The following SPOCK3 variants were observed in gnomAD, a reference collection of about 807,000 sequenced individuals.
SPOCK3 encodes SPARC (osteonectin), cwcv and kazal like domains proteoglycan 3.
Under a neutral mutation model 56.6 loss-of-function variants are expected in SPOCK3, and 30 were observed. The ratio of observed to expected loss-of-function variants is 0.53; its 90% CI spans 0.40 to 0.72. The LOEUF (loss-of-function observed/expected upper bound fraction) is 0.72, where lower values mean the gene tolerates loss of function less well. Among genes scored for constraint, SPOCK3 ranks in the 30% least tolerant of loss-of-function variants. SPOCK3 has a pLI of 0.00. For missense variants in SPOCK3, 527 were observed against 530.0 expected (o/e 0.99, Z 0.06); for synonymous variants, 196 against 183.3 (o/e 1.07, Z -0.56).
At chr4:167,008,678 G>C (rs1377401851) in intron 3 of SPOCK3, among the ~76,000 whole-genome samples, 1 of 152,114 alleles carries the variant, frequency 6.6e-6, no homozygotes, top group Non-Finnish European at 1.5e-5. Flanking sequence ...ATGAAATCAT[G>C]TCCTTTGCCG....
chr4:166,989,032 A>G (rs1402781680), intron 4 of SPOCK3, among the ~76,000 whole-genome samples: 1 of 152,092 alleles, frequency 6.6e-6, no homozygotes, highest in Non-Finnish European at 1.5e-5. Flanking sequence ...CATATCAGTC[A>G]ACCGAATGCT....
At chr4:167,030,255 C>T (rs1752143716) in intron 3 of SPOCK3, among the ~76,000 whole-genome samples, 1 of 151,994 alleles carries the variant, frequency 6.6e-6, no homozygotes. Context: ...TACACTGAAT[C>T]TCATTTCATT....
Position 166,817,947 on chromosome 4 carries a change from A to T in SPOCK3, c.590-25658T>A, listed in dbSNP as rs183534925. On this transcript the variant is annotated intron_variant, in intron 6 of 10. Transcript: ENST00000357545. ...TGTTCTTAACTCTTTAAAATTACCAACTTTTAAAAATAATATCAGTAACCG... is the reference window on the plus strand; with the variant it reads ...TGTTCTTAACTCTTTAAAATTACCATCTTTTAAAAATAATATCAGTAACCG... Among the ~76,000 whole-genome samples, 3 of 152,148 alleles carry T rather than the reference A, an allele frequency of 2.0e-5. No individual in the cohort carries two copies. In the South Asian group the frequency reaches 6.2e-4, roughly 31 times the overall value.
At chr4:167,082,857 G>T (rs547566352) in intron 2 of SPOCK3, among the ~76,000 whole-genome samples, 10 of 150,586 alleles carry the variant, frequency 6.6e-5, no homozygotes, top group Non-Finnish European at 1.3e-4. Flanking sequence ...AGAGGGAGGG[G>T]TGAGAGAGTA....
intron 2 of SPOCK3, among the ~76,000 whole-genome samples, chr4:167,231,075 T>C (rs1737129251): frequency 6.6e-6 from 1 of 152,116 alleles, no homozygotes; most frequent in Non-Finnish European, 1.5e-5. Context: ...CGTAACTCTA[T>C]CCATGCTCTT....
intron 3 of SPOCK3, among the ~76,000 whole-genome samples, chr4:167,057,310 T>G (rs1424842543): frequency 1.3e-5 from 2 of 152,048 alleles, no homozygotes; most frequent in Non-Finnish European, 2.9e-5. Context: ...AAGGAACAAC[T>G]GGTACCAGCC....
At chr4:166,935,045 G>A (rs1740244279) in intron 4 of SPOCK3, among the ~76,000 whole-genome samples, 1 of 152,192 alleles carries the variant, frequency 6.6e-6, no homozygotes. Context: ...CAAGTGGGCA[G>A]CATAACCTCA....
At chr4:167,005,324 C>A (rs544809503) in intron 3 of SPOCK3, among the ~76,000 whole-genome samples, 1 of 152,118 alleles carries the variant, frequency 6.6e-6, no homozygotes, top group Non-Finnish European at 1.5e-5. Flanking sequence ...ATTCTCCTGC[C>A]TCAGCCTTCC....
At chr4:166,835,787 A>T (rs926957459) in intron 6 of SPOCK3, among the ~76,000 whole-genome samples, 6 of 152,094 alleles carry the variant, frequency 3.9e-5, no homozygotes, top group Admixed American at 1.3e-4. Flanking sequence ...ATCACCTGAG[A>T]TCGGGAGTTC....
intron 2 of SPOCK3, among the ~76,000 whole-genome samples, chr4:167,088,209 T>C (rs369898293): frequency 6.6e-6 from 1 of 152,140 alleles, no homozygotes; most frequent in South Asian, 2.1e-4. Context: ...AAATTTGTTA[T>C]AACATAAACT....
intron 5 of SPOCK3, among the ~76,000 whole-genome samples, chr4:166,894,277 G>GA (rs1170516288): frequency 6.6e-6 from 1 of 151,712 alleles, no homozygotes; most frequent in Non-Finnish European, 1.5e-5. Context: ...CCACCACAGG[G>GA]AAAAAAAATC....
chr4:166,816,479 C>T (rs1403477887), intron 6 of SPOCK3, among the ~76,000 whole-genome samples: 2 of 151,978 alleles, frequency 1.3e-5, no homozygotes, highest in African/African-American at 4.8e-5. Context: ...CATCAAGTAG[C>T]ATTTTTATAA....
intron 4 of SPOCK3, among the ~76,000 whole-genome samples, chr4:166,928,719 C>T (rs1739392376): frequency 6.6e-6 from 1 of 152,048 alleles, no homozygotes; most frequent in Non-Finnish European, 1.5e-5. Flanking sequence ...GCCTGTAATC[C>T]CAGCACTTTG....
chr4:167,109,398 TTTATATATAAATATATATATAA>T (rs1760655018), intron 2 of SPOCK3, among the ~76,000 whole-genome samples: 1 of 86,122 alleles, frequency 1.2e-5, no homozygotes, highest in South Asian at 3.7e-4. Flanking sequence ...TAAATATATA[TTTATATATAAATATATATATAA>T]ATATATATAT....
At chr4:166,835,488 T>C (rs1352994806) in intron 6 of SPOCK3, among the ~76,000 whole-genome samples, 2 of 152,214 alleles carry the variant, frequency 1.3e-5, no homozygotes, top group Non-Finnish European at 2.9e-5. Flanking sequence ...AGGGAATAGC[T>C]AATGTGAAAC....
chr4:166,754,147 A>T, intron 8 of SPOCK3: 1 of 1,003,506 alleles, frequency 1.0e-6, no homozygotes, highest in Non-Finnish European at 1.2e-6. Flanking sequence ...GTATAGTGAT[A>T]AAAAATCCAT....
At chr4:166,840,770 A>ATT in intron 6 of SPOCK3, among the ~76,000 whole-genome samples, 1 of 81,310 alleles carries the variant, frequency 1.2e-5, no homozygotes, top group African/African-American at 6.5e-5. Context: ...CAGAAGCAAA[A>ATT]GTTTTTTTTT....
intron 2 of SPOCK3, among the ~76,000 whole-genome samples, chr4:167,148,524 T>C (rs1764162606): frequency 6.6e-6 from 1 of 152,110 alleles, no homozygotes; most frequent in Non-Finnish European, 1.5e-5. Context: ...CTTACCTGTT[T>C]AGTCATCATT....
intron 1 of SPOCK3, 24 bp from the exon 2 acceptor site, chr4:167,234,197 G>C (rs1313922033): frequency 6.2e-7 from 1 of 1,611,034 alleles, no homozygotes; most frequent in African/African-American, 1.3e-5. Flanking sequence ...CACAACGGGG[G>C]GTGGGGGGGC....
Sources: gnomAD v4.1 joint callset for allele counts (sites outside exome capture counted in the v4.1 genomes callset) on GRCh38, gnomAD v4.1.1 for gene constraint, MANE v1.5 for transcripts, NCBI Gene and HGNC (gene_info 2026-07-23, HGNC 2026-07-21) for gene names.